The following EFCAB6 variants were observed in gnomAD, a reference collection of about 807,000 sequenced individuals.
The protein encoded by EFCAB6 is EF-hand calcium binding domain 6.
In EFCAB6, 156 loss-of-function variants were observed where a neutral mutation model predicts 169.8. The observed-to-expected ratio is 0.92, with a 90% CI of 0.81 to 1.05. EFCAB6 has a LOEUF of 1.05. EFCAB6 is among the 50% of genes least tolerant of loss of function. EFCAB6 has a pLI of 0.00. For missense variants in EFCAB6, 1,800 were observed against 1,829.1 expected (o/e 0.98, Z 0.29); for synonymous variants, 698 against 676.4 (o/e 1.03, Z -0.50).
chr22:43,592,309 T>C (rs1213569549), intron 23 of EFCAB6, among the ~76,000 whole-genome samples: 1 of 152,232 alleles, frequency 6.6e-6, no homozygotes, highest in Non-Finnish European at 1.5e-5. Flanking sequence ...GCTCTGTGCA[T>C]GTATCCCAAC....
At chr22:43,716,371 C>T (rs1360898894) in intron 9 of EFCAB6, among the ~76,000 whole-genome samples, 3 of 152,046 alleles carry the variant, frequency 2.0e-5, no homozygotes, top group Non-Finnish European at 4.4e-5. Flanking sequence ...TTTGAATGTC[C>T]ATTGCTGCAC....
chr22:43,733,564 A>G lies in EFCAB6; in HGVS notation c.645-1753T>C, dbSNP rs376933869. ...GTCTGCTGCCTAAATGGAACAGGTCATCAGAGGGTAAAGGGCATTCACGGA... is the reference window on the plus strand; with the variant it reads ...GTCTGCTGCCTAAATGGAACAGGTCGTCAGAGGGTAAAGGGCATTCACGGA... On this transcript the variant is annotated intron_variant, in intron 7 of 31. Transcript: ENST00000262726. 9.2e-5 allele frequency among the ~76,000 whole-genome samples: 14 copies of G among 152,290 alleles called. No individual in the cohort carries two copies. In the East Asian group the frequency reaches 1.9e-3, roughly 21 times the overall value.
rs144171212 is a variant in EFCAB6 at position 43,632,155 on chromosome 22, C to A, written c.2182G>T (p.Ala728Ser). 9.3e-6 allele frequency: 15 copies of A among 1,614,042 alleles called. No homozygotes were observed. The African/African-American group carries it at 1.1e-4, about 11-fold the overall frequency. Residue 728 changes from alanine (A) to serine (S), a missense_variant, in exon 19 of 32, where the codon GCA becomes TCA. By Grantham distance (99) the Ala-to-Ser change is moderately conservative (BLOSUM62 1). Coordinates refer to ENST00000262726, the MANE Select transcript of EFCAB6 (RefSeq NM_022785.4). ...KSYVNSHFIT[A>S]EECLKLFPRR... ...GGGAAAAGCTTCAGGCATTCTTCTG[C>A]GGTGATAAAGTGGCTGTTCACGTAA...
rs373308145 is a variant in EFCAB6 at position 43,667,099 on chromosome 22, C to T, written c.1983+5G>A. ...ATAGAAACAAAGAGAAACCCATTCT[C>T]CTACCTTCTTAAAGTCATGCACGTT... is the stretch of plus-strand genomic sequence containing the variant. On this transcript the variant is annotated splice_donor_5th_base_variant and intron_variant, in intron 17 of 31. Transcript: ENST00000262726. The T allele has an allele frequency of 6.2e-7, 1 of 1,612,438 alleles. No individual in the cohort carries two copies. Among genetic ancestry groups the T allele is most frequent in the Non-Finnish European group, 8.5e-7 (1 of 1,179,400 alleles).
intron 17 of EFCAB6, among the ~76,000 whole-genome samples, chr22:43,657,244 G>A (rs1308634237): frequency 6.6e-6 from 1 of 152,130 alleles, no homozygotes; most frequent in African/African-American, 2.4e-5. Context: ...GTAGTGAGTT[G>A]CGATGGCACC....
In EFCAB6 at chr22:43,626,490, T is replaced by G. The variant is rs779065457; in HGVS notation, c.2422A>C (p.Lys808Gln). Reference sequence around the variant, plus strand: ...GCTTCATCTGTTCTCCATGGTCTCTTCTCACACAAATTTTGAAATTCCCGA... The same window carrying G: ...GCTTCATCTGTTCTCCATGGTCTCTGCTCACACAAATTTTGAAATTCCCGA... ...NFREFQNLCE[K>Q]RPWRTDEAPQ... The change falls in exon 20 of 32, where the codon AAG (lysine) becomes CAG (glutamine). Residue 808 changes from lysine to glutamine, a missense_variant. By Grantham distance (53) the Lys-to-Gln change is moderately conservative. Transcript: ENST00000262726. 6.2e-7 allele frequency: 1 copy of G among 1,614,214 alleles called. No individual in the cohort carries two copies. The highest frequency in any genetic ancestry group is 1.7e-5 in the Admixed American group (1 of 60,022).
chr22:43,765,640 T>A (rs771903646), intron 4 of EFCAB6, among the ~76,000 whole-genome samples: 6 of 152,100 alleles, frequency 3.9e-5, no homozygotes, highest in Non-Finnish European at 5.9e-5. Flanking sequence ...AGTCGAGTTA[T>A]CTACAAAATT....
At position 43,608,513 on chromosome 22, in the gene EFCAB6, T is replaced by A. The variant is rs1254466677; in HGVS notation, c.2650A>T (p.Thr884Ser). The change falls in exon 22 of 32, where the codon ACA (threonine) becomes TCA (serine). Residue 884 changes from threonine to serine, a missense_variant. By Grantham distance (58) the Thr-to-Ser change is moderately conservative (BLOSUM62 1). Transcript: ENST00000262726. ...CAAAGCTTTTCAAACTCTCTTGGTG[T>A]GAGGGGAATATCAAAACCGTACAGT... ...NALYGFDIPL[T>S]PREFEKLWAR... 11 of 1,614,024 alleles carry A rather than the reference T, an allele frequency of 6.8e-6. No homozygotes were observed. Among genetic ancestry groups the A allele is most frequent in the Non-Finnish European group, 9.3e-6 (11 of 1,180,034 alleles).
At chr22:43,752,388 G>C (rs1413341468) in intron 6 of EFCAB6, among the ~76,000 whole-genome samples, 1 of 152,154 alleles carries the variant, frequency 6.6e-6, no homozygotes, top group Non-Finnish European at 1.5e-5. Flanking sequence ...AAAGTGCTGG[G>C]ATTACAGGCG....
rs537817459 is a variant in EFCAB6 at position 43,609,980 on chromosome 22, C to T, written c.2563-1380G>A. Among the ~76,000 whole-genome samples, 48 of 152,274 alleles carry T rather than the reference C, an allele frequency of 3.2e-4. No individual in the cohort carries two copies. In the Middle Eastern group the frequency reaches 0.02, roughly 65 times the overall value. On this transcript the variant is annotated intron_variant, in intron 21 of 31. Coordinates refer to ENST00000262726, the MANE Select transcript of EFCAB6 (RefSeq NM_022785.4). ...AATGACCAGTGCTGGGACAGCTGGACTTCCATATGGAGGAAATGAGACTGG... is the reference window on the plus strand; with the variant it reads ...AATGACCAGTGCTGGGACAGCTGGATTTCCATATGGAGGAAATGAGACTGG...
chr22:43,621,089 A>AT (rs3072756), intron 20 of EFCAB6, among the ~76,000 whole-genome samples: 1,435 of 141,714 alleles, frequency 0.01, 17 homozygotes, highest in African/African-American at 0.023. Flanking sequence ...ACACTATGCA[A>AT]TTTTTTTTTT....
At chr22:43,632,291 C>CT in intron 18 of EFCAB6, 53 bp from the exon 19 acceptor site, 17 of 1,316,552 alleles carry the variant, frequency 1.3e-5, no homozygotes, top group East Asian at 7.6e-5. Flanking sequence ...AGCTTCATTC[C>CT]TTCTTTTTTT....
At chr22:43,614,861 C>G (rs988225640) in intron 21 of EFCAB6, among the ~76,000 whole-genome samples, 3 of 151,736 alleles carry the variant, frequency 2.0e-5, no homozygotes, top group Admixed American at 6.6e-5. Context: ...AGACAGTCTG[C>G]TTTATGGAGT....
chr22:43,583,456 T>A (rs373720465), intron 24 of EFCAB6, among the ~76,000 whole-genome samples: 1 of 151,812 alleles, frequency 6.6e-6, no homozygotes, highest in Non-Finnish European at 1.5e-5. Context: ...AAGGCAGATA[T>A]CATAAAGAAA....
chr22:43,635,407 T>C (rs1352693715), intron 17 of EFCAB6, among the ~76,000 whole-genome samples, 191 bp from the exon 18 acceptor site: 1 of 152,066 alleles, frequency 6.6e-6, no homozygotes, highest in African/African-American at 2.4e-5. Context: ...GGCTTGTGTT[T>C]GTTGGGTGAG....
chr22:43,531,708 G>C (rs2047079011), intron 30 of EFCAB6, among the ~76,000 whole-genome samples: 1 of 152,004 alleles, frequency 6.6e-6, no homozygotes, highest in Non-Finnish European at 1.5e-5. Context: ...CGTATGATGT[G>C]TGCTCCCCAG....
At chr22:43,539,417 A>T (rs1376774532) in intron 28 of EFCAB6, among the ~76,000 whole-genome samples, 1 of 152,260 alleles carries the variant, frequency 6.6e-6, no homozygotes, top group African/African-American at 2.4e-5. Flanking sequence ...AATACCCAGC[A>T]CACAGTAGGT....
At position 43,667,336 on chromosome 22, in the gene EFCAB6, A is replaced by T. The variant is rs143876511; in HGVS notation, c.1815-64T>A. On this transcript the variant is annotated intron_variant, in intron 16 of 31. Transcript: ENST00000262726. ...GACACACGCAGGGTGCTTCCTCCAG[A>T]CTGCACCCATTTCCATGTAACCCAT... 145 of 1,551,638 alleles carry T rather than the reference A, an allele frequency of 9.3e-5. 1 individual carries two copies. In the East Asian group the frequency reaches 3.1e-3, roughly 33 times the overall value.
chr22:43,635,026 TG>T, intron 18 of EFCAB6, 75 bp downstream of exon 18: 1 of 1,191,526 alleles, frequency 8.4e-7, no homozygotes, highest in Non-Finnish European at 1.3e-6. Flanking sequence ...CCGAGTGGCC[TG>T]GTGGCACTGC....
Sources: allele counts gnomAD v4.1 joint callset (sites outside exome capture counted in the v4.1 genomes callset), GRCh38; gene constraint gnomAD v4.1.1; transcripts MANE v1.5; gene names NCBI Gene and HGNC (gene_info 2026-07-23, HGNC 2026-07-21).